Variants in CADM1 observed in about 807,000 individuals in gnomAD.
CADM1 encodes TSLC-1.
Under a neutral mutation model 53.1 loss-of-function variants are expected in CADM1, and 15 were observed. The observed-to-expected ratio is 0.28, with a 90% CI of 0.19 to 0.44. The LOEUF (loss-of-function observed/expected upper bound fraction) is 0.44. CADM1 is among the 20% of genes least tolerant of loss of function. The probability of loss-of-function intolerance (pLI) is 1.00; values close to 1 mark genes in which losing one functional copy is unlikely to be tolerated. For missense variants in CADM1, 434 were observed against 611.3 expected, an observed-to-expected ratio of 0.71 and a Z score of 3.06; for synonymous variants, 281 against 243.0, an observed-to-expected ratio of 1.16 and a Z score of -1.45.
At chr11:115,315,292 T>C (rs147103334) in intron 1 of CADM1, among the ~76,000 whole-genome samples, 305 of 152,320 alleles carry the variant, frequency 2.0e-3, no homozygotes, top group Middle Eastern at 6.8e-3. Flanking sequence ...TTATAATTAG[T>C]GTTTCTTTGA....
intron 1 of CADM1, among the ~76,000 whole-genome samples, chr11:115,485,842 T>C (rs1004722342): frequency 3.9e-5 from 6 of 152,240 alleles, no homozygotes; most frequent in African/African-American, 1.4e-4. Context: ...GCAGCGCTGC[T>C]CTCAACCTTT....
rs1203137497 is a variant in CADM1, at chr11:115,173,921, T to C, written c.*2553A>G. On this transcript the variant is annotated 3_prime_UTR_variant, in exon 12 of 12. Transcript: ENST00000331581. ...AAAAACACAAAAAACAAGTTTGTTC[T>C]TTCTTCACTCTAAAAAAAGTGATCA... 1.0e-6 allele frequency: 1 copy of C among 968,310 alleles called. No individual in the cohort carries two copies. The highest frequency in any genetic ancestry group is 1.2e-6 in the Non-Finnish European group (1 of 814,480). 60.0% of individuals were successfully genotyped at this position (968,310 alleles called of 1,614,324 possible). A position where few individuals can be genotyped will look rare whatever the true frequency, so the allele number is the denominator to read the frequency against.
At position 115,425,249 on chromosome 11, in the gene CADM1, T is replaced by C. The variant is rs555711790; in HGVS notation, c.124+79022A>G. On this transcript the variant is annotated intron_variant, in intron 1 of 11. Coordinates refer to ENST00000331581, the MANE Select transcript of CADM1 (RefSeq NM_001301043.2). ...ATAATATAAATCAAACTCTAACATC[T>C]CAATGTTGAGTGCTTAAGGAGGCTG... is the stretch of plus-strand genomic sequence containing the variant. Among the ~76,000 whole-genome samples, 134 of 152,342 alleles carry C rather than the reference T, an allele frequency of 8.8e-4. 1 individual carries two copies. Among genetic ancestry groups the C allele is most frequent in the South Asian group, 4.4e-3 (21 of 4,820 alleles).
chr11:115,360,025 G>A (rs1945985698), intron 1 of CADM1, among the ~76,000 whole-genome samples: 1 of 152,180 alleles, frequency 6.6e-6, no homozygotes, highest in African/African-American at 2.4e-5. Context: ...CACCTACTAT[G>A]TGCCAGGCCC....
At chr11:115,350,765 A>G (rs1945712442) in intron 1 of CADM1, among the ~76,000 whole-genome samples, 1 of 152,124 alleles carries the variant, frequency 6.6e-6, no homozygotes. Context: ...TTGAATTTAT[A>G]TCATCCTTCA....
chr11:115,341,840 C>T (rs1301207204), intron 1 of CADM1, among the ~76,000 whole-genome samples: 5 of 152,130 alleles, frequency 3.3e-5, no homozygotes. Flanking sequence ...CTAACACATG[C>T]TGAAATAACT....
At chr11:115,183,139 C>T (rs941341512) in intron 10 of CADM1, among the ~76,000 whole-genome samples, 1 of 152,212 alleles carries the variant, frequency 6.6e-6, no homozygotes, top group Non-Finnish European at 1.5e-5. Context: ...GGCAGTAGTT[C>T]CCCAGGGCGT....
chr11:115,371,317 C>T (rs1194777693), intron 1 of CADM1, among the ~76,000 whole-genome samples: 2 of 152,016 alleles, frequency 1.3e-5, no homozygotes, highest in African/African-American at 4.8e-5. Flanking sequence ...TAGAAACATA[C>T]AGTCATGAGG....
intron 1 of CADM1, among the ~76,000 whole-genome samples, chr11:115,386,645 A>G (rs1226875088): frequency 6.6e-6 from 1 of 152,142 alleles, no homozygotes; most frequent in Non-Finnish European, 1.5e-5. Flanking sequence ...CACTTCTATT[A>G]TAACCTATTA....
At chr11:115,434,913 C>T (rs1256436417) in intron 1 of CADM1, among the ~76,000 whole-genome samples, 4 of 144,336 alleles carry the variant, frequency 2.8e-5, no homozygotes, top group Non-Finnish European at 4.5e-5. Flanking sequence ...CAGGCTAGAG[C>T]GCAATGGTGC....
rs1463009086 is a variant in CADM1, at chr11:115,195,209, T to A, written c.1111+3197A>T. Among the ~76,000 whole-genome samples the A allele has an allele frequency of 3.3e-5, 5 of 152,212 alleles. No individual in the cohort carries two copies. In the East Asian group the frequency reaches 9.6e-4, roughly 29 times the overall value. On this transcript the variant is annotated intron_variant, in intron 9 of 11. Transcript: ENST00000331581. Reference sequence around the variant, plus strand: ...TGTGGCTGATTGTTGTTTGGCTTTCTTTTTGGAGAAAATCCACTTGATTTT... The same window carrying A: ...TGTGGCTGATTGTTGTTTGGCTTTCATTTTGGAGAAAATCCACTTGATTTT...
chr11:115,302,677 G>A (rs141498198), intron 1 of CADM1, among the ~76,000 whole-genome samples: 530 of 152,102 alleles, frequency 3.5e-3, no homozygotes, highest in African/African-American at 0.012. Context: ...TTGCTACTGG[G>A]GTTATTGTCA....
chr11:115,441,382 CA>C (rs1948308235), intron 1 of CADM1, among the ~76,000 whole-genome samples: 1 of 152,058 alleles, frequency 6.6e-6, no homozygotes, highest in Non-Finnish European at 1.5e-5. Context: ...AAGACAAACA[CA>C]GATTTCAAAA....
At chr11:115,494,983 T>C (rs551309379) in intron 1 of CADM1, among the ~76,000 whole-genome samples, 39 of 152,284 alleles carry the variant, frequency 2.6e-4, no homozygotes, top group Non-Finnish European at 4.9e-4. Context: ...ATTATGTGAT[T>C]ACTAACAAAA....
chr11:115,206,637 G>A (rs114719010), intron 8 of CADM1, among the ~76,000 whole-genome samples: 2,118 of 151,918 alleles, frequency 0.014, 40 homozygotes, highest in African/African-American at 0.047. Context: ...ATGACTTCTC[G>A]AGTTTAAAAA....
intron 1 of CADM1, chr11:115,377,215 T>C (rs1946461333): frequency 6.6e-6 from 1 of 152,152 alleles, no homozygotes; most frequent in South Asian, 2.1e-4. Context: ...CAGAACTTTG[T>C]GCATCACCTA....
intron 1 of CADM1, among the ~76,000 whole-genome samples, chr11:115,428,300 A>C (rs1037658570): frequency 3.3e-5 from 5 of 152,146 alleles, no homozygotes; most frequent in Non-Finnish European, 7.4e-5. Flanking sequence ...CAATGTAACT[A>C]CCCTACTACC....
chr11:115,238,294 G>C (rs1196166457), intron 3 of CADM1, among the ~76,000 whole-genome samples: 1 of 152,210 alleles, frequency 6.6e-6, no homozygotes, highest in Non-Finnish European at 1.5e-5. Flanking sequence ...TGAAACCCAA[G>C]AGCAGGTGGA....
chr11:115,235,900 G>A (rs1236238040), intron 3 of CADM1, among the ~76,000 whole-genome samples: 2 of 152,174 alleles, frequency 1.3e-5, no homozygotes, highest in Admixed American at 1.3e-4. Context: ...CCTACGGTAT[G>A]TTCTGGAGAA....
Sources: gnomAD v4.1 joint callset for allele counts (sites outside exome capture counted in the v4.1 genomes callset) on GRCh38, gnomAD v4.1.1 for gene constraint, MANE v1.5 for transcripts, NCBI Gene and HGNC (gene_info 2026-07-23, HGNC 2026-07-21) for gene names.